MAP4K5: variants seen among roughly 807,000 people sequenced by gnomAD.
MAP4K5 encodes the protein mitogen-activated protein kinase kinase kinase kinase 5.
In MAP4K5, 82 loss-of-function variants were observed where a neutral mutation model predicts 135.6. That is an observed-to-expected ratio of 0.60 (90% CI 0.51 to 0.73). The LOEUF (loss-of-function observed/expected upper bound fraction) is 0.73. Ranked by LOEUF, MAP4K5 falls within the 30% of genes least tolerant of loss-of-function variation. The pLI, the probability that MAP4K5 is intolerant of heterozygous loss-of-function variation, is 0.00. For missense variants in MAP4K5, 907 were observed against 1,010.9 expected (o/e 0.90, Z 1.39); for synonymous variants, 347 against 335.0 (o/e 1.04, Z -0.39).
At chr14:50,481,235 T>C (rs1015624723) in intron 6 of MAP4K5, among the ~76,000 whole-genome samples, 1 of 151,270 alleles carries the variant, frequency 6.6e-6, no homozygotes, top group African/African-American at 2.4e-5. Flanking sequence ...TTCTATGTTA[T>C]GTAAACGTTA....
Position 50,476,116 on chromosome 14 carries a change from G to C in MAP4K5, c.469+12C>G. The C allele has an allele frequency of 2.1e-6, 3 of 1,429,106 alleles. No homozygotes were observed. The highest frequency in any genetic ancestry group is 2.8e-6 in the Non-Finnish European group (3 of 1,078,660). The allele number at this position is 1,429,106 out of a possible 1,614,324, so 88.5% of individuals were successfully genotyped here. A position where few individuals can be genotyped will look rare whatever the true frequency, so the allele number is the denominator to read the frequency against. ...TTTTTGGAAAAAATTTTAGGAATTT[G>C]AAATAACATACCTAATTTTACATCG... On this transcript the variant is annotated intron_variant, in intron 8 of 32. Transcript: ENST00000682126.
chr14:50,485,712 A>T (rs2037349294), intron 4 of MAP4K5, 70 bp from the exon 5 acceptor site: 1 of 890,232 alleles, frequency 1.1e-6, no homozygotes, highest in Non-Finnish European at 1.8e-6. Flanking sequence ...TAAGGCTCTC[A>T]CTCTTTAGCA....
intron 1 of MAP4K5, among the ~76,000 whole-genome samples, chr14:50,546,383 T>C (rs1202964444): frequency 1.3e-5 from 2 of 151,554 alleles, no homozygotes; most frequent in South Asian, 2.2e-4. Flanking sequence ...TGTGTGTGCG[T>C]GTGTGTGTGT....
At position 50,518,017 on chromosome 14, in the gene MAP4K5, A is replaced by G. The variant is rs186325977; in HGVS notation, c.109-13160T>C. 2.0e-4 allele frequency among the ~76,000 whole-genome samples: 31 copies of G among 152,318 alleles called. 1 individual carries two copies. Among genetic ancestry groups the G allele is most frequent in the Admixed American group, 1.5e-3 (23 of 15,306 alleles). ...GGATAATATTAGTAGAGTAACAGCA[A>G]GGAATTACTAAGATGAATAAAAATA... is the stretch of plus-strand genomic sequence containing the variant. On this transcript the variant is annotated intron_variant, in intron 2 of 32. Coordinates refer to ENST00000682126, the MANE Select transcript of MAP4K5 (RefSeq NM_006575.6).
intron 9 of MAP4K5, among the ~76,000 whole-genome samples, chr14:50,474,450 TC>T (rs1292377220): frequency 2.6e-5 from 4 of 152,152 alleles, no homozygotes; most frequent in Admixed American, 2.6e-4. Context: ...TTTATAACAT[TC>T]ACAATTTTAA....
rs187585671 is a variant in MAP4K5 at position 50,445,592 on chromosome 14, T to A, written c.1186-398A>T. Among the ~76,000 whole-genome samples, 84 of 152,298 alleles carry A rather than the reference T, an allele frequency of 5.5e-4. No homozygotes were observed. In the East Asian group the frequency reaches 0.012, roughly 21 times the overall value. On this transcript the variant is annotated intron_variant, in intron 17 of 32. Coordinates refer to ENST00000682126, the MANE Select transcript of MAP4K5 (RefSeq NM_006575.6). ...TTCTTTCTTTCTTTTTTTACTGAGA[T>A]GGAGTCTCGCTCTGTCACCCAGGCT...
rs559081732 is a variant in MAP4K5 at position 50,482,222 on chromosome 14, A to G, written c.378+139T>C. 6.5e-5 allele frequency: 34 copies of G among 521,608 alleles called. No homozygotes were observed. The East Asian group carries it at 1.0e-3, about 16-fold the overall frequency. The allele number at this position is 521,608 out of a possible 1,614,324, so 32.3% of individuals were successfully genotyped here. ...CAGAATTATAAGAGATTAACAGAAA[A>G]ATCATTTTGTTTTACCCTTTCTCTT... On this transcript the variant is annotated intron_variant, in intron 6 of 32. Transcript: ENST00000682126.
At chr14:50,518,354 T>C (rs149320404) in intron 2 of MAP4K5, among the ~76,000 whole-genome samples, 176 of 152,270 alleles carry the variant, frequency 1.2e-3, no homozygotes, top group Non-Finnish European at 2.9e-4. Flanking sequence ...CCATGGTGGT[T>C]TGCTGCACCT....
intron 32 of MAP4K5, among the ~76,000 whole-genome samples, chr14:50,422,478 T>A (rs2035755536): frequency 6.6e-6 from 1 of 152,078 alleles, no homozygotes; most frequent in Non-Finnish European, 1.5e-5. Context: ...CTATAGCCAA[T>A]TTTGCTTTAG....
chr14:50,430,491 G>A (rs749551778), intron 28 of MAP4K5, among the ~76,000 whole-genome samples: 1 of 152,164 alleles, frequency 6.6e-6, no homozygotes, highest in Non-Finnish European at 1.5e-5. Context: ...TCAAATGGCG[G>A]ATTGGGGGCA....
intron 16 of MAP4K5, 133 bp from the exon 17 acceptor site, chr14:50,446,254 A>C (rs2036345703): frequency 1.8e-6 from 1 of 549,196 alleles, no homozygotes; most frequent in Non-Finnish European, 3.2e-6. Context: ...CAGAGTATAA[A>C]ATCTTTAGGA....
chr14:50,493,233 G>A (rs901205891), intron 3 of MAP4K5, among the ~76,000 whole-genome samples: 2 of 152,056 alleles, frequency 1.3e-5, no homozygotes, highest in Admixed American at 6.5e-5. Context: ...CCAGGTAGCT[G>A]GGACTACAGG....
rs895519596 is a variant in MAP4K5 at position 50,427,672 on chromosome 14, A to T, written c.2326+990T>A. 5.9e-5 allele frequency among the ~76,000 whole-genome samples: 9 copies of T among 152,312 alleles called. No homozygotes were observed. In the East Asian group the frequency reaches 1.5e-3, roughly 26 times the overall value. ...GAAATGTTTAAAAATGTTTCCATTC[A>T]TCATTTTTTTCACAAGTTCTGTCAC... On this transcript the variant is annotated intron_variant, in intron 30 of 32. Transcript: ENST00000682126.
intron 2 of MAP4K5, among the ~76,000 whole-genome samples, chr14:50,516,257 A>G (rs1266243674): frequency 6.6e-6 from 1 of 152,258 alleles, no homozygotes; most frequent in East Asian, 1.9e-4. Flanking sequence ...AATTGGGTAG[A>G]CAGTGGTCCC....
At chr14:50,527,355 T>C (rs563806462) in intron 2 of MAP4K5, among the ~76,000 whole-genome samples, 1 of 151,896 alleles carries the variant, frequency 6.6e-6, no homozygotes, top group Non-Finnish European at 1.5e-5. Context: ...AAAAGTACTT[T>C]TGTATGATTA....
chr14:50,454,028 CA>C (rs2036547697), intron 14 of MAP4K5, among the ~76,000 whole-genome samples: 1 of 152,108 alleles, frequency 6.6e-6, no homozygotes, highest in Non-Finnish European at 1.5e-5. Context: ...AGAAATAAAT[CA>C]AATGCTCATC....
chr14:50,539,635 A>T (rs1285459878), intron 2 of MAP4K5, among the ~76,000 whole-genome samples: 3 of 152,264 alleles, frequency 2.0e-5, no homozygotes, highest in African/African-American at 7.2e-5. Flanking sequence ...AATGAGGCTT[A>T]GAACTTTAAA....
chr14:50,463,583 C>T (rs1192147091), intron 12 of MAP4K5, among the ~76,000 whole-genome samples: 2 of 152,010 alleles, frequency 1.3e-5, no homozygotes, highest in East Asian at 1.9e-4. Flanking sequence ...CTATGTGACC[C>T]GCCTATAGAA....
At chr14:50,488,407 A>G (rs1222272497) in intron 3 of MAP4K5, among the ~76,000 whole-genome samples, 3 of 152,196 alleles carry the variant, frequency 2.0e-5, no homozygotes, top group African/African-American at 4.8e-5. Context: ...TATTCTTTGG[A>G]TTCCCACCTA....
Sources: gnomAD v4.1 joint callset for allele counts (sites outside exome capture counted in the v4.1 genomes callset) on GRCh38, gnomAD v4.1.1 for gene constraint, MANE v1.5 for transcripts, NCBI Gene and HGNC (gene_info 2026-07-23, HGNC 2026-07-21) for gene names.